The following KMT2E variants were observed in gnomAD, a reference collection of about 807,000 sequenced individuals.
The protein encoded by KMT2E is lysine methyltransferase 2E (inactive).
A neutral mutation model predicts 184.6 loss-of-function variants in KMT2E; 30 were observed. The observed-to-expected ratio is 0.16, with a 90% CI of 0.12 to 0.22. The LOEUF is 0.22. KMT2E is among the 10% of genes least tolerant of loss of function. The pLI, the probability that KMT2E is intolerant of heterozygous loss-of-function variation, is 1.00. For missense variants in KMT2E, 2,023 were observed against 2,237.4 expected, an observed-to-expected ratio of 0.90 and a Z score of 1.93; for synonymous variants, 815 against 776.5, an observed-to-expected ratio of 1.05 and a Z score of -0.82.
Position 105,109,177 on chromosome 7 carries a change from G to A in KMT2E, c.3704G>A (p.Cys1235Tyr), listed in dbSNP as rs745643764. ...NATSEETSNN[C>Y]PVKDATASEK... ...ACTTCTGAAGAAACTAGCAATAACT[G>A]CCCTGTTAAGGATGCTACTGCTAGT... Residue 1235 changes from cysteine to tyrosine, a missense_variant, in exon 23 of 27, where the codon TGC becomes TAC. Cys to Tyr is a radical substitution (Grantham distance 194, BLOSUM62 -2). Around this residue, in one of 8 missense-constraint regions of KMT2E, gnomAD observed 1,108 missense variants for 1,050.9 expected, o/e 1.05. Coordinates refer to ENST00000311117, the MANE Select transcript of KMT2E (RefSeq NM_182931.3). The A allele has an allele frequency of 6.7e-5, 108 of 1,613,942 alleles. No individual in the cohort carries two copies. The South Asian group carries it at 1.2e-3, about 17-fold the overall frequency.
At chr7:105,030,531 G>A (rs1795366430) in intron 1 of KMT2E, among the ~76,000 whole-genome samples, 1 of 152,192 alleles carries the variant, frequency 6.6e-6, no homozygotes, top group African/African-American at 2.4e-5. Flanking sequence ...TGGAATTACT[G>A]TGAACTACAC....
chr7:105,060,299 T>A (rs539670698), intron 3 of KMT2E, among the ~76,000 whole-genome samples: 1 of 152,288 alleles, frequency 6.6e-6, no homozygotes, highest in African/African-American at 2.4e-5. Context: ...AGTACAGTCA[T>A]GCACACATAA....
chr7:105,080,877 C>T (rs1797736478), intron 12 of KMT2E, among the ~76,000 whole-genome samples: 1 of 152,050 alleles, frequency 6.6e-6, no homozygotes, highest in Non-Finnish European at 1.5e-5. Flanking sequence ...GTGGCACGCA[C>T]CTGTAGTCCC....
chr7:105,103,919 C>T (rs1261248120), intron 17 of KMT2E: 1 of 148,440 alleles, frequency 6.7e-6, no homozygotes, highest in Non-Finnish European at 1.5e-5. Flanking sequence ...GCTCCGCCTC[C>T]CGGGTTCAAG....
rs1434287136 is a variant in KMT2E, at chr7:105,112,323, C to T, written c.4567C>T (p.Pro1523Ser). The change falls in exon 27 of 27, where the codon CCC (proline) becomes TCC (serine). Residue 1523 changes from proline (P) to serine (S), a missense_variant. Pro to Ser is a moderately conservative substitution (Grantham distance 74). This residue lies in a region of KMT2E where 1,108 missense variants were observed against 1,050.9 expected (regional missense o/e 1.05). Coordinates refer to ENST00000311117, the MANE Select transcript of KMT2E (RefSeq NM_182931.3). ...TTCTGGAACATTATTTACACAGACACCCTCAGGACAATCTTCAGCAACATA... is the reference window on the plus strand; with the variant it reads ...TTCTGGAACATTATTTACACAGACATCCTCAGGACAATCTTCAGCAACATA... The part of the protein sequence containing the change: ...ATSGTLFTQT[P>S]SGQSSATYSQ... 2 of 1,613,812 alleles carry T rather than the reference C, an allele frequency of 1.2e-6. No individual in the cohort carries two copies.
intron 1 of KMT2E, among the ~76,000 whole-genome samples, chr7:105,036,733 G>C (rs567517094): frequency 6.6e-6 from 1 of 152,254 alleles, no homozygotes; most frequent in African/African-American, 2.4e-5. Flanking sequence ...TGCTTCTAGA[G>C]CACTATCTGG....
At chr7:105,028,860 G>T (rs944852266) in intron 1 of KMT2E, among the ~76,000 whole-genome samples, 26 of 151,882 alleles carry the variant, frequency 1.7e-4, no homozygotes, top group Admixed American at 1.3e-4. Flanking sequence ...TCAATAATTT[G>T]AATTAAAGTC....
At chr7:105,070,283 A>G (rs1271065637) in intron 6 of KMT2E, among the ~76,000 whole-genome samples, 3 of 152,062 alleles carry the variant, frequency 2.0e-5, no homozygotes, top group Non-Finnish European at 4.4e-5. Flanking sequence ...CGGAATGGCT[A>G]TTCGATTTTA....
chr7:105,040,993 C>T lies in KMT2E; in HGVS notation c.41C>T (p.Thr14Met), dbSNP rs1018642770. The T allele has an allele frequency of 6.2e-7, 1 of 1,604,058 alleles. No homozygotes were observed. The highest frequency in any genetic ancestry group is 8.5e-7 in the Non-Finnish European group (1 of 1,178,112). The change falls in exon 3 of 27, where the codon ACG (threonine) becomes ATG (methionine). Residue 14 changes from threonine (T) to methionine (M), a missense_variant. Physicochemically the swap from Thr to Met is moderately conservative, Grantham distance 81 (BLOSUM62 -1). This residue lies in a region of KMT2E where 63 missense variants were observed against 68.9 expected (regional missense o/e 0.91). Coordinates refer to ENST00000311117, the MANE Select transcript of KMT2E (RefSeq NM_182931.3). Reference sequence around the variant, plus strand: ...CCATTGGGGGTTGATACAGCAGAGACGTCATACTTGGAAATGGCTGCAGGT... The same window carrying T: ...CCATTGGGGGTTGATACAGCAGAGATGTCATACTTGGAAATGGCTGCAGGT... ...VIPLGVDTAETSYLEMAAGSE... is the reference protein window; with the variant it reads ...VIPLGVDTAEMSYLEMAAGSE...
chr7:105,113,235 C>T lies in KMT2E; in HGVS notation c.5479C>T (p.Pro1827Ser). 2 of 1,614,230 alleles carry T rather than the reference C, an allele frequency of 1.2e-6. No homozygotes were observed. Among genetic ancestry groups the T allele is most frequent in the Non-Finnish European group, 1.7e-6 (2 of 1,180,044 alleles). ...GGCCCTGCCACATGGGGTTCAAGGA[C>T]CTCAGCAGGCATCTCCAGTGCCTGG... ...SVALPHGVQGPQQASPVPGQI... is the reference protein window; with the variant it reads ...SVALPHGVQGSQQASPVPGQI... Residue 1827 changes from proline to serine, a missense_variant, in exon 27 of 27, where the codon CCT becomes TCT. Pro to Ser is a moderately conservative substitution (Grantham distance 74). Coordinates refer to ENST00000311117, the MANE Select transcript of KMT2E (RefSeq NM_182931.3).
chr7:105,026,884 T>C (rs549497333), intron 1 of KMT2E, among the ~76,000 whole-genome samples: 1 of 152,286 alleles, frequency 6.6e-6, no homozygotes, highest in Admixed American at 6.5e-5. Context: ...AAGTTTAAAA[T>C]TGGTACCTCT....
At chr7:105,065,434 T>C (rs1159275085) in intron 5 of KMT2E, among the ~76,000 whole-genome samples, 1 of 152,178 alleles carries the variant, frequency 6.6e-6, no homozygotes, top group Non-Finnish European at 1.5e-5. Flanking sequence ...CATTCTCAGT[T>C]GAAAAGTAAA....
intron 8 of KMT2E, 109 bp from the exon 9 acceptor site, chr7:105,075,934 T>C: frequency 1.3e-6 from 1 of 797,564 alleles, no homozygotes; most frequent in Non-Finnish European, 2.1e-6. Flanking sequence ...GGTTACCAAA[T>C]TTTTTGTTAT....
Position 105,110,302 on chromosome 7 carries a change from C to G in KMT2E, c.3778C>G (p.Gln1260Glu). ...AAGGACTGCCTCAACTTCAGTGGAA[C>G]AAGTCAGAGAAAGGAGTTATCAGAG... ...VQWTASTSVE[Q>E]VRERSYQRAL... The change falls in exon 24 of 27, where the codon CAA becomes GAA. Residue 1260 changes from glutamine (Q) to glutamate (E), a missense_variant. By Grantham distance (29) the Gln-to-Glu change is conservative (BLOSUM62 2). Transcript: ENST00000311117. The G allele has an allele frequency of 6.2e-7, 1 of 1,614,070 alleles. No individual in the cohort carries two copies. The highest frequency in any genetic ancestry group is 8.5e-7 in the Non-Finnish European group (1 of 1,179,962).
chr7:105,105,992 G>T lies in KMT2E; in HGVS notation c.2585G>T (p.Cys862Phe). 1.9e-6 allele frequency: 3 copies of T among 1,604,830 alleles called. No individual in the cohort carries two copies. Among genetic ancestry groups the T allele is most frequent in the Non-Finnish European group, 2.5e-6 (3 of 1,177,726 alleles). ...AGTCCACTACTATTAAATGACAGCT[G>T]TTCCCTTCCAGGTAGAATTTTTTTT... ...NKSPLLLNDS[C>F]SLPDLTTPLK... The change falls in exon 19 of 27, where the codon TGT (cysteine) becomes TTT (phenylalanine). Residue 862 changes from cysteine to phenylalanine, a missense_variant. Coordinates refer to ENST00000311117, the MANE Select transcript of KMT2E (RefSeq NM_182931.3).
At chr7:105,091,856 G>T (rs556142117) in intron 15 of KMT2E, among the ~76,000 whole-genome samples, 1 of 152,184 alleles carries the variant, frequency 6.6e-6, no homozygotes, top group East Asian at 1.9e-4. Flanking sequence ...TAAAAATTAG[G>T]ACAGGATATT....
intron 3 of KMT2E, among the ~76,000 whole-genome samples, chr7:105,043,421 A>G (rs1481480272): frequency 1.3e-5 from 2 of 151,348 alleles, no homozygotes; most frequent in African/African-American, 4.9e-5. Flanking sequence ...TATTTTTAGT[A>G]GAGACGGGGT....
rs1351453087 is a variant in KMT2E, at chr7:105,081,751, A to G, written c.1312A>G (p.Lys438Glu). The G allele has an allele frequency of 1.2e-5, 19 of 1,543,754 alleles. No individual in the cohort carries two copies. The highest frequency in any genetic ancestry group is 1.2e-5 in the South Asian group (1 of 85,598). The change falls in exon 13 of 27, where the codon AAG becomes GAG. Residue 438 changes from lysine (K) to glutamate (E), a missense_variant. Around this residue, in one of 8 missense-constraint regions of KMT2E, gnomAD observed 68 missense variants for 133.1 expected, o/e 0.51. Transcript: ENST00000311117. ...TATTTATTCTATACACAGTATTCCAAAGGGAACTGAAATTACTATTGCCTT... is the reference window on the plus strand; with the variant it reads ...TATTTATTCTATACACAGTATTCCAGAGGGAACTGAAATTACTATTGCCTT... ...LYIYSIHSIP[K>E]GTEITIAFDF...
rs1303447916 is a variant in KMT2E at position 105,105,076 on chromosome 7, G to T, written c.2197-363G>T. On this transcript the variant is annotated intron_variant, in intron 17 of 26. Transcript: ENST00000311117. Reference sequence around the variant, plus strand: ...AGCTACTCGGGAGGCTGAAGTGGAGGGATCACACCTGAGCCCAGGGGGCGG... The same window carrying T: ...AGCTACTCGGGAGGCTGAAGTGGAGTGATCACACCTGAGCCCAGGGGGCGG... 4.4e-5 allele frequency: 7 copies of T among 159,288 alleles called. No homozygotes were observed. In the South Asian group the frequency reaches 9.2e-4, roughly 21 times the overall value. 9.9% of individuals were successfully genotyped at this position (159,288 alleles called of 1,614,324 possible).
Sources: gnomAD v4.1 joint callset for allele counts (sites outside exome capture counted in the v4.1 genomes callset) on GRCh38, gnomAD v4.1.1 for gene constraint, gnomAD v4.1.1 regional missense constraint, MANE v1.5 for transcripts, NCBI Gene and HGNC (gene_info 2026-07-23, HGNC 2026-07-21) for gene names.